Variants in TRPM8 observed in about 807,000 individuals in gnomAD.
The protein encoded by TRPM8 is transient receptor potential cation channel subfamily M member 8, also known as TRPM8 cationic channel.
Under a neutral mutation model 133.7 loss-of-function variants are expected in TRPM8, and 110 were observed. The observed-to-expected ratio is 0.82, with a 90% confidence interval of 0.70 to 0.96. The LOEUF (loss-of-function observed/expected upper bound fraction) is 0.96, where lower values mean the gene tolerates loss of function less well. Ranked by LOEUF, TRPM8 falls within the 40% of genes least tolerant of loss-of-function variation. The probability of loss-of-function intolerance (pLI) is 0.00; values close to 1 mark genes in which losing one functional copy is unlikely to be tolerated. For missense variants in TRPM8, 1,291 were observed against 1,379.5 expected (o/e 0.94, Z 1.02); for synonymous variants, 535 against 532.3 (o/e 1.01, Z -0.07).
At position 233,963,137 on chromosome 2, in the gene TRPM8, A is replaced by G. The variant is rs138054938; in HGVS notation, c.1654-145A>G. 746 of 455,766 alleles carry G rather than the reference A, an allele frequency of 1.6e-3. 9 individuals are homozygous for G. The highest frequency in any genetic ancestry group is 0.014 in the African/African-American group (691 of 50,096). The allele number at this position is 455,766 out of a possible 1,614,324, so 28.2% of individuals were successfully genotyped here. A position where few individuals can be genotyped will look rare whatever the true frequency, so the allele number is the denominator to read the frequency against. On this transcript the variant is annotated intron_variant, in intron 12 of 25. Coordinates refer to ENST00000324695, the MANE Select transcript of TRPM8 (RefSeq NM_024080.5). Reference sequence around the variant, plus strand: ...AATTAGACCACCCAATGAGTTGCAGAGATGAAAATCCCATCACTGTACTGT... The same window carrying G: ...AATTAGACCACCCAATGAGTTGCAGGGATGAAAATCCCATCACTGTACTGT...
intron 3 of TRPM8, chr2:233,933,808 G>A (rs1258692880): frequency 6.0e-6 from 1 of 167,084 alleles, no homozygotes; most frequent in East Asian, 1.9e-4. Flanking sequence ...GGAAGCTATG[G>A]AGAGAGAAGA....
At chr2:233,982,069 C>T (rs1692024897) in intron 19 of TRPM8, among the ~76,000 whole-genome samples, 154 bp downstream of exon 19, 1 of 152,192 alleles carries the variant, frequency 6.6e-6, no homozygotes, top group Non-Finnish European at 1.5e-5. Flanking sequence ...GGGCCTCTCC[C>T]AGGTTAAAAT....
chr2:233,953,965 G>A lies in TRPM8; in HGVS notation c.1189G>A (p.Glu397Lys). Reference protein sequence around the residue: ...CSHLLTVIKMEEAGDEIVSNA... With the variant: ...CSHLLTVIKMKEAGDEIVSNA... ...TCACCTATTAACAGTTATTAAAATGGAAGAAGCTGGGGATGAAATTGTGAG... is the reference window on the plus strand; with the variant it reads ...TCACCTATTAACAGTTATTAAAATGAAAGAAGCTGGGGATGAAATTGTGAG... Residue 397 changes from glutamate to lysine, a missense_variant, in exon 10 of 26, where the codon GAA becomes AAA. Glu to Lys is a moderately conservative substitution (Grantham distance 56, BLOSUM62 1). Transcript: ENST00000324695. 1.2e-6 allele frequency: 2 copies of A among 1,613,972 alleles called. No homozygotes were observed. Among genetic ancestry groups the A allele is most frequent in the Non-Finnish European group, 1.7e-6 (2 of 1,179,936 alleles).
chr2:233,980,417 T>C (rs1218663998), intron 18 of TRPM8, 138 bp downstream of exon 18: 3 of 571,724 alleles, frequency 5.2e-6, no homozygotes, highest in Non-Finnish European at 8.9e-6. Context: ...GTCTGCTTTA[T>C]AGAGATACAC....
chr2:233,958,244 T>C (rs1256888755), intron 11 of TRPM8, among the ~76,000 whole-genome samples: 3 of 152,184 alleles, frequency 2.0e-5, no homozygotes, highest in Admixed American at 2.0e-4. Context: ...TGTGTTAGCT[T>C]ATTTCATCCT....
At chr2:233,943,274 C>T (rs1173870267) in intron 6 of TRPM8, among the ~76,000 whole-genome samples, 2 of 152,086 alleles carry the variant, frequency 1.3e-5, no homozygotes, top group Non-Finnish European at 1.5e-5. Flanking sequence ...CCCCACTCCC[C>T]AACAGACCCT....
At chr2:233,921,677 C>CTTTTTTTTTTTT (rs11373529) in intron 1 of TRPM8, among the ~76,000 whole-genome samples, 16 of 106,646 alleles carry the variant, frequency 1.5e-4, no homozygotes, top group African/African-American at 3.8e-4. Flanking sequence ...CTTTTCTTTT[C>CTTTTTTTTTTTT]TTTTTTTTTT....
At chr2:233,980,344 G>A in intron 18 of TRPM8, 65 bp downstream of exon 18, 1 of 1,122,668 alleles carries the variant, frequency 8.9e-7, no homozygotes, top group South Asian at 1.5e-5. Context: ...GAAAAGCTCT[G>A]CAGACATTTC....
chr2:233,932,775 C>T (rs1691705819), intron 3 of TRPM8, among the ~76,000 whole-genome samples: 1 of 151,760 alleles, frequency 6.6e-6, no homozygotes, highest in African/African-American at 2.4e-5. Context: ...ATCTTTGAAT[C>T]CCCCATGTTT....
chr2:233,940,795 A>G (rs1425455081), intron 5 of TRPM8, among the ~76,000 whole-genome samples: 1 of 152,224 alleles, frequency 6.6e-6, no homozygotes, highest in African/African-American at 2.4e-5. Context: ...CAGTGAGAAG[A>G]TGGGAGAATG....
In TRPM8 at chr2:233,956,672, G is replaced by A. The variant is rs1390027176; in HGVS notation, c.1362+1422G>A. Among the ~76,000 whole-genome samples the A allele has an allele frequency of 2.6e-5, 4 of 152,186 alleles. No individual in the cohort carries two copies. In the East Asian group the frequency reaches 7.7e-4, roughly 29 times the overall value. On this transcript the variant is annotated intron_variant, in intron 11 of 25. Coordinates refer to ENST00000324695, the MANE Select transcript of TRPM8 (RefSeq NM_024080.5). The stretch of plus-strand genomic sequence containing the variant: ...CTATTGTTGTATAATCAAAGACTAA[G>A]ACTCGATTTATATTAACATGCGATC...
intron 1 of TRPM8, among the ~76,000 whole-genome samples, chr2:233,919,275 A>G (rs1691363536): frequency 6.6e-6 from 1 of 152,192 alleles, no homozygotes; most frequent in Admixed American, 6.5e-5. Context: ...ATTTAAAATT[A>G]TTCATGACCA....
chr2:233,953,850 A>G, intron 9 of TRPM8, 67 bp from the exon 10 acceptor site: 1 of 1,227,508 alleles, frequency 8.1e-7, no homozygotes, highest in Non-Finnish European at 1.2e-6. Context: ...TCTCACAAAA[A>G]GAAAGAAGTT....
chr2:233,942,772 C>G, intron 6 of TRPM8, 24 bp downstream of exon 6: 1 of 1,613,290 alleles, frequency 6.2e-7, no homozygotes. Flanking sequence ...AGGAGGAGGT[C>G]TGCTAGGTCA....
chr2:233,986,987 G>A (rs1692161956), intron 21 of TRPM8, among the ~76,000 whole-genome samples: 1 of 152,206 alleles, frequency 6.6e-6, no homozygotes, highest in African/African-American at 2.4e-5. Context: ...CTGGGAAATG[G>A]ACATTGCTAC....
chr2:233,986,375 A>C (rs555851976), intron 21 of TRPM8, among the ~76,000 whole-genome samples: 1 of 152,340 alleles, frequency 6.6e-6, no homozygotes, highest in South Asian at 2.1e-4. Context: ...TGGAGGGAAT[A>C]ATATTGGTAA....
At position 233,930,761 on chromosome 2, in the gene TRPM8, C is replaced by T. The variant is rs1348927014; in HGVS notation, c.191+20C>T. ...GGCCACGTAAGCTACTATTTTCCCT[C>T]CAGTTTTGCTTTCCAAGTTCAAAAA... is the stretch of plus-strand genomic sequence containing the variant. On this transcript the variant is annotated intron_variant, in intron 3 of 25. Coordinates refer to ENST00000324695, the MANE Select transcript of TRPM8 (RefSeq NM_024080.5). 2 of 1,570,824 alleles carry T rather than the reference C, an allele frequency of 1.3e-6. No homozygotes were observed. Among genetic ancestry groups the T allele is most frequent in the African/African-American group, 1.4e-5 (1 of 73,658 alleles).
intron 1 of TRPM8, among the ~76,000 whole-genome samples, chr2:233,921,907 A>T (rs1299283806): frequency 2.0e-5 from 3 of 152,024 alleles, no homozygotes; most frequent in Admixed American, 1.3e-4. Context: ...TCCTGACCTC[A>T]AGTGATCCCC....
chr2:233,927,924 T>TTCTCTCTCTCTTTCTCTCTCTCTCTC (rs1691594138), intron 2 of TRPM8, among the ~76,000 whole-genome samples: 1 of 28,054 alleles, frequency 3.6e-5, no homozygotes, highest in Non-Finnish European at 5.4e-5. Flanking sequence ...CTCTCTCTCT[T>TTCTCTCTCTCTTTCTCTCTCTCTCTC]TCTCTCTCTC....
Sources: gnomAD v4.1 joint callset for allele counts (sites outside exome capture counted in the v4.1 genomes callset) on GRCh38, gnomAD v4.1.1 for gene constraint, MANE v1.5 for transcripts, NCBI Gene and HGNC (gene_info 2026-07-23, HGNC 2026-07-21) for gene names.